TRIM7: variants seen among roughly 807,000 people sequenced by gnomAD.
TRIM7 encodes tripartite motif containing 7.
Under a neutral mutation model 37.9 loss-of-function variants are expected in TRIM7, and 32 were observed. The ratio of observed to expected loss-of-function variants is 0.84; its 90% CI spans 0.64 to 1.13. The LOEUF is 1.13. TRIM7 is among the 50% of genes most tolerant of loss of function. The probability of loss-of-function intolerance (pLI) is 0.00; values close to 1 mark genes in which losing one functional copy is unlikely to be tolerated. For missense variants in TRIM7, 732 were observed against 714.0 expected, an observed-to-expected ratio of 1.03 and a Z score of -0.29; for synonymous variants, 351 against 321.3, an observed-to-expected ratio of 1.09 and a Z score of -0.99.
chr5:181,203,904 C>T, intron 1 of TRIM7: 1 of 1,206,900 alleles, frequency 8.3e-7, no homozygotes, highest in South Asian at 2.5e-5. Context: ...CTCCTCTACT[C>T]TCCGCCCCCC....
rs777522462 is a variant in TRIM7, at chr5:181,205,074, C to G, written c.37G>C (p.Gly13Arg). 1.3e-5 allele frequency: 18 copies of G among 1,372,172 alleles called. No homozygotes were observed. Among genetic ancestry groups the G allele is most frequent in the African/African-American group, 1.5e-5 (1 of 65,516 alleles). 85.0% of individuals were successfully genotyped at this position (1,372,172 alleles called of 1,614,324 possible). Residue 13 changes from glycine (G) to arginine (R), a missense_variant, in exon 1 of 7, where the codon GGC becomes CGC. Transcript: ENST00000274773. The part of the protein sequence containing the change: ...AVGPRTGPGT[G>R]AEALALAAEL... The stretch of plus-strand genomic sequence containing the variant: ...GCCGCCAGCGCTAGAGCCTCGGCGC[C>G]GGTTCCGGGGCCGGTCCGCGGTCCC...
intron 2 of TRIM7, chr5:181,203,334 A>T: frequency 7.4e-7 from 1 of 1,359,884 alleles, no homozygotes; most frequent in Non-Finnish European, 9.4e-7. Context: ...TTGTTTTGCA[A>T]TAATTATTTT....
Position 181,199,929 on chromosome 5 carries a change from C to T in TRIM7, c.771G>A (p.Gly257=). ...QKQNENLAQL[G]VEITQLSKLS... is the part of the protein sequence containing the mutation. ...GCTTGGACAGCTGGGTGATCTCAAC[C>T]CCGAGCTGGGCCAGGTTCTCATTCT... The change falls in exon 3 of 7, where the codon GGG becomes GGA. Residue 257 remains glycine (G), a synonymous_variant. Transcript: ENST00000274773. 1 of 1,614,240 alleles carries T rather than the reference C, an allele frequency of 6.2e-7. No homozygotes were observed. The highest frequency in any genetic ancestry group is 1.7e-5 in the Admixed American group (1 of 60,034).
chr5:181,195,797 C>CG, intron 6 of TRIM7, 120 bp from the exon 7 acceptor site: 5 of 1,341,190 alleles, frequency 3.7e-6, no homozygotes, highest in Non-Finnish European at 4.9e-6. Context: ...ATCCCCCCAG[C>CG]ACCCAGCGCC....
Position 181,199,102 on chromosome 5 carries a change from G to A in TRIM7, c.865C>T (p.Leu289=), listed in dbSNP as rs559309397. ...LDFLQEFKST[L]SRCSNVPGPK... ...AGCTGTGAGGTCACTCACCTGCTCA[G>A]CGTGCTTTTGAATTCCTGGAAGGAA... The change falls in exon 4 of 7, where the codon CTG becomes TTG. Residue 289 remains leucine, a synonymous_variant. Coordinates refer to ENST00000274773, the MANE Select transcript of TRIM7 (RefSeq NM_203293.3). 6.2e-7 allele frequency: 1 copy of A among 1,614,230 alleles called. No homozygotes were observed. The highest frequency in any genetic ancestry group is 2.2e-5 in the East Asian group (1 of 44,886).
At position 181,195,081 on chromosome 5, in the gene TRIM7, G is replaced by C; in HGVS notation, c.*85C>G. Reference sequence around the variant, plus strand: ...GCAGGGGTCAGGAGCACGGAGGGCAGACCCAAGACGGACCAGGCATCTCTG... The same window carrying C: ...GCAGGGGTCAGGAGCACGGAGGGCACACCCAAGACGGACCAGGCATCTCTG... On this transcript the variant is annotated 3_prime_UTR_variant, in exon 7 of 7. Coordinates refer to ENST00000274773, the MANE Select transcript of TRIM7 (RefSeq NM_203293.3). The C allele has an allele frequency of 6.7e-7, 1 of 1,496,516 alleles. No homozygotes were observed. The highest frequency in any genetic ancestry group is 2.1e-5 in the Admixed American group (1 of 48,028). The allele number at this position is 1,496,516 out of a possible 1,614,324, so 92.7% of individuals were successfully genotyped here. A position where few individuals can be genotyped will look rare whatever the true frequency, so the allele number is the denominator to read the frequency against.
chr5:181,203,740 C>T (rs1362516296), intron 1 of TRIM7, 100 bp from the exon 2 acceptor site: 5 of 1,508,394 alleles, frequency 3.3e-6, no homozygotes, highest in Non-Finnish European at 4.4e-6. Context: ...GAAGGCCCTG[C>T]TCACTGAGGG....
intron 1 of TRIM7, chr5:181,204,120 A>AC (rs1757676839): frequency 1.0e-6 from 1 of 997,260 alleles, no homozygotes; most frequent in Non-Finnish European, 1.2e-6. Flanking sequence ...TTAACCCGGG[A>AC]GCCCCCTCCC....
chr5:181,194,999 T>C lies in TRIM7; in HGVS notation c.*167A>G. 1 of 782,916 alleles carries C rather than the reference T, an allele frequency of 1.3e-6. No homozygotes were observed. The highest frequency in any genetic ancestry group is 2.8e-5 in the East Asian group (1 of 35,460). The allele number at this position is 782,916 out of a possible 1,614,324, so 48.5% of individuals were successfully genotyped here. A position where few individuals can be genotyped will look rare whatever the true frequency, so the allele number is the denominator to read the frequency against. ...CCAAAGCCCCTGTTCCCCTGCTCGG[T>C]TGGCCACAGTCACTCTCCTGCCTCG... On this transcript the variant is annotated 3_prime_UTR_variant, in exon 7 of 7. Coordinates refer to ENST00000274773, the MANE Select transcript of TRIM7 (RefSeq NM_203293.3).
intron 2 of TRIM7, 59 bp downstream of exon 2, chr5:181,203,486 G>C (rs1169351728): frequency 6.2e-7 from 1 of 1,606,810 alleles, no homozygotes; most frequent in South Asian, 1.1e-5. Context: ...CCGAGCCCTG[G>C]TGCTGAGTTC....
rs368407412 is a variant in TRIM7, at chr5:181,200,931, T to C, written c.619-850A>G. Reference sequence around the variant, plus strand: ...CCTTCAGCTTCCAGGCAGGCTGCAGTAGCCTGGAGCGCCTTATGGATATTA... The same window carrying C: ...CCTTCAGCTTCCAGGCAGGCTGCAGCAGCCTGGAGCGCCTTATGGATATTA... On this transcript the variant is annotated intron_variant, in intron 2 of 6. Transcript: ENST00000274773. 858 of 985,134 alleles carry C rather than the reference T, an allele frequency of 8.7e-4. 2 individuals are homozygous for C. The African/African-American group carries it at 0.013, about 15-fold the overall frequency. The allele number at this position is 985,134 out of a possible 1,614,324, so 61.0% of individuals were successfully genotyped here.
At chr5:181,204,553 C>G in intron 1 of TRIM7, 36 bp downstream of exon 1, 1 of 1,339,852 alleles carries the variant, frequency 7.5e-7, no homozygotes, top group Non-Finnish European at 9.5e-7. Flanking sequence ...TCAGGGGGTC[C>G]CGGGGACCCA....
At chr5:181,203,681 C>T (rs1283586714) in intron 1 of TRIM7, 41 bp from the exon 2 acceptor site, 6 of 1,568,036 alleles carry the variant, frequency 3.8e-6, no homozygotes, top group Non-Finnish European at 5.2e-6. Flanking sequence ...GGGTGAGGGG[C>T]TTCTGGAAAC....
intron 6 of TRIM7, chr5:181,196,349 A>G (rs1757122943): frequency 6.6e-6 from 1 of 152,252 alleles, no homozygotes; most frequent in African/African-American, 2.4e-5. Flanking sequence ...AGATCACGCC[A>G]CTGCACTCCA....
In TRIM7 at chr5:181,194,296, AG is replaced by A. The variant is rs1335900199; in HGVS notation, c.*869del. 1 of 152,310 alleles carries A rather than the reference AG, an allele frequency of 6.6e-6. No individual in the cohort carries two copies. The highest frequency in any genetic ancestry group is 2.4e-5 in the African/African-American group (1 of 41,480). The allele number at this position is 152,310 out of a possible 1,614,324, so 9.4% of individuals were successfully genotyped here. On this transcript the variant is annotated 3_prime_UTR_variant, in exon 7 of 7. Coordinates refer to ENST00000274773, the MANE Select transcript of TRIM7 (RefSeq NM_203293.3). ...GCTCACACCTGTAATCCCAGCTCTT[AG>A]GGAGATGGAAACTGGAGGATCACTT...
intron 3 of TRIM7, chr5:181,199,408 C>T (rs767931915): frequency 3.7e-6 from 2 of 535,438 alleles, no homozygotes; most frequent in Non-Finnish European, 6.7e-6. Context: ...CCATGGGACC[C>T]AGTGCTGCGT....
intron 4 of TRIM7, 73 bp from the exon 5 acceptor site, chr5:181,198,878 C>G (rs986233594): frequency 5.5e-6 from 7 of 1,278,800 alleles, no homozygotes; most frequent in Middle Eastern, 2.0e-4. Context: ...ATTAGGATGG[C>G]GAGGTCCTCT....
Position 181,195,560 on chromosome 5 carries a change from T to A in TRIM7, c.1142A>T (p.Asp381Val). The A allele has an allele frequency of 1.9e-6, 3 of 1,610,558 alleles. No individual in the cohort carries two copies. The highest frequency in any genetic ancestry group is 2.5e-6 in the Non-Finnish European group (3 of 1,177,788). Residue 381 changes from aspartate (D) to valine (V), a missense_variant, in exon 7 of 7, where the codon GAC becomes GTC. Coordinates refer to ENST00000274773, the MANE Select transcript of TRIM7 (RefSeq NM_203293.3). ...GGACGCCAGGACGCGGGTGTTGGTG[T>A]CGAAGCGGCAGGGGTGGTTGGGCAG... is the stretch of plus-strand genomic sequence containing the variant. ...QDLPNHPCRF[D>V]TNTRVLASCG...
At chr5:181,195,827 C>G (rs1293158141) in intron 6 of TRIM7, 150 bp from the exon 7 acceptor site, 1 of 959,240 alleles carries the variant, frequency 1.0e-6, no homozygotes, top group African/African-American at 1.7e-5. Context: ...CCAACCCCCA[C>G]GCTCTGCCTC....
Sources: allele counts gnomAD v4.1 joint callset, GRCh38; gene constraint gnomAD v4.1.1; transcripts MANE v1.5; gene names NCBI Gene and HGNC (gene_info 2026-07-23, HGNC 2026-07-21).